The following PCDH9 variants were observed in gnomAD, a reference collection of about 807,000 sequenced individuals.
PCDH9 encodes the protein protocadherin-9.
Under a neutral mutation model 70.6 loss-of-function variants are expected in PCDH9, and 24 were observed. The observed-to-expected ratio is 0.34, with a 90% CI of 0.25 to 0.48. PCDH9 has a LOEUF of 0.48. PCDH9 is among the 20% of genes least tolerant of loss of function. The pLI is 0.99. For synonymous variants in PCDH9, 562 were observed against 558.5 expected (o/e 1.01, Z -0.09); for missense variants, 1,281 against 1,503.6 (o/e 0.85, Z 2.45).
intron 4 of PCDH9, among the ~76,000 whole-genome samples, chr13:66,326,695 T>C (rs1011546184): frequency 1.8e-4 from 28 of 152,260 alleles, no homozygotes; most frequent in African/African-American, 6.7e-4. Flanking sequence ...GGATTACAGG[T>C]GTGAGCCACC....
chr13:66,654,581 C>T (rs2077901215), intron 3 of PCDH9, among the ~76,000 whole-genome samples: 1 of 151,850 alleles, frequency 6.6e-6, no homozygotes, highest in Admixed American at 6.6e-5. Flanking sequence ...CTTATGTACC[C>T]TATAAATATG....
chr13:67,138,122 G>A (rs1188983227), intron 2 of PCDH9, among the ~76,000 whole-genome samples: 1 of 152,084 alleles, frequency 6.6e-6, no homozygotes, highest in Non-Finnish European at 1.5e-5. Flanking sequence ...ATATTATGAA[G>A]TGGTTTTGAA....
chr13:66,819,671 C>A (rs1043868083), intron 3 of PCDH9, among the ~76,000 whole-genome samples: 2 of 152,106 alleles, frequency 1.3e-5, no homozygotes, highest in African/African-American at 4.8e-5. Flanking sequence ...GAGAGGACTG[C>A]TGGAGGTCAG....
At chr13:66,404,972 T>C (rs1957254678) in intron 4 of PCDH9, among the ~76,000 whole-genome samples, 1 of 152,206 alleles carries the variant, frequency 6.6e-6, no homozygotes, top group African/African-American at 2.4e-5. Flanking sequence ...TTAGATGTTA[T>C]GTCTATACAG....
At chr13:66,670,651 C>T (rs1312635613) in intron 3 of PCDH9, among the ~76,000 whole-genome samples, 1 of 151,966 alleles carries the variant, frequency 6.6e-6, no homozygotes, top group African/African-American at 2.4e-5. Context: ...TTGTAGAACA[C>T]TAACTAAAAC....
At chr13:66,546,847 G>C (rs9540803) in intron 4 of PCDH9, among the ~76,000 whole-genome samples, 39,384 of 151,876 alleles carry the variant, frequency 0.26, 5,332 homozygotes, top group South Asian at 0.34. Context: ...ATATGTTTAG[G>C]TACACAAATA....
At chr13:66,964,589 A>G (rs1302167228) in intron 2 of PCDH9, among the ~76,000 whole-genome samples, 1 of 151,962 alleles carries the variant, frequency 6.6e-6, no homozygotes, top group Non-Finnish European at 1.5e-5. Flanking sequence ...GAAATCATCT[A>G]TGAAATGCTT....
intron 2 of PCDH9, among the ~76,000 whole-genome samples, chr13:67,000,320 T>TG (rs1239119371): frequency 2.3e-5 from 2 of 88,748 alleles, no homozygotes; most frequent in African/African-American, 9.0e-5. Flanking sequence ...CATCACACTC[T>TG]GGGGACTGTT....
At chr13:67,115,007 G>T (rs1009244381) in intron 2 of PCDH9, among the ~76,000 whole-genome samples, 1 of 152,074 alleles carries the variant, frequency 6.6e-6, no homozygotes, top group African/African-American at 2.4e-5. Context: ...TCTTTGTCAA[G>T]ATTTTTTTTA....
intron 2 of PCDH9, among the ~76,000 whole-genome samples, chr13:67,147,926 TG>T (rs1303048281): frequency 6.6e-6 from 1 of 152,152 alleles, no homozygotes; most frequent in Non-Finnish European, 1.5e-5. Flanking sequence ...ATGCATTACA[TG>T]CAGGATAAAA....
chr13:66,564,642 T>C (rs1566421322), intron 4 of PCDH9, among the ~76,000 whole-genome samples: 2 of 152,038 alleles, frequency 1.3e-5, no homozygotes, highest in African/African-American at 4.8e-5. Flanking sequence ...CCACGATTTT[T>C]CCCCCTTTCT....
intron 4 of PCDH9, among the ~76,000 whole-genome samples, chr13:66,587,186 T>C (rs1359908350): frequency 6.6e-6 from 1 of 151,902 alleles, no homozygotes; most frequent in African/African-American, 2.4e-5. Flanking sequence ...TAGTCCCAAC[T>C]ACTCAGGAGA....
At chr13:66,328,586 T>C (rs1955886311) in intron 4 of PCDH9, among the ~76,000 whole-genome samples, 1 of 152,178 alleles carries the variant, frequency 6.6e-6, no homozygotes, top group Non-Finnish European at 1.5e-5. Context: ...GCAACCTTTG[T>C]GAGAGTTGAC....
intron 4 of PCDH9, among the ~76,000 whole-genome samples, chr13:66,369,380 T>C (rs1956607278): frequency 6.6e-6 from 1 of 152,156 alleles, no homozygotes; most frequent in Non-Finnish European, 1.5e-5. Context: ...GTTTATGACA[T>C]AACATTAGAA....
chr13:66,809,510 G>A (rs2080466989), intron 3 of PCDH9, among the ~76,000 whole-genome samples: 1 of 152,110 alleles, frequency 6.6e-6, no homozygotes, highest in South Asian at 2.1e-4. Flanking sequence ...ACATTCTAGA[G>A]ATAAACTAAA....
chr13:66,418,799 G>T (rs575679164), intron 4 of PCDH9, among the ~76,000 whole-genome samples: 5 of 149,820 alleles, frequency 3.3e-5, no homozygotes, highest in African/African-American at 9.8e-5. Flanking sequence ...ATGAATCCAG[G>T]AGCTGGTTTT....
chr13:66,934,708 CTTTTTTTTTTTT>C (rs1158291293), intron 2 of PCDH9, among the ~76,000 whole-genome samples: 1 of 47,302 alleles, frequency 2.1e-5, no homozygotes, highest in Non-Finnish European at 3.7e-5. Context: ...CATGTGTTTG[CTTTTTTTTTTTT>C]TTTTTTTTTT....
intron 3 of PCDH9, among the ~76,000 whole-genome samples, chr13:66,738,382 A>G (rs1351888865): frequency 1.3e-5 from 2 of 151,928 alleles, no homozygotes; most frequent in African/African-American, 4.8e-5. Flanking sequence ...TAAAACCACA[A>G]AGATGGGGAA....
chr13:66,480,402 G>A (rs1958815939), intron 4 of PCDH9, among the ~76,000 whole-genome samples: 2 of 152,306 alleles, frequency 1.3e-5, no homozygotes, highest in South Asian at 2.1e-4. Flanking sequence ...AAATTCTAGA[G>A]TAGTACATAA....
Sources: allele counts gnomAD v4.1 joint callset (sites outside exome capture counted in the v4.1 genomes callset), GRCh38; gene constraint gnomAD v4.1.1; transcripts MANE v1.5; gene names NCBI Gene and HGNC (gene_info 2026-07-23, HGNC 2026-07-21).